FAM167A: variants seen among roughly 807,000 people sequenced by gnomAD.
FAM167A encodes family with sequence similarity 167 member A, also known as protein FAM167A.
In FAM167A, 23 loss-of-function variants were observed where a neutral mutation model predicts 14.9. That is an observed-to-expected ratio of 1.55 (90% CI 1.11 to 2.19). The LOEUF is 2.19. Ranked by LOEUF, FAM167A falls within the 30% of genes most tolerant of loss-of-function variation. The pLI is 0.00. For missense variants in FAM167A, 401 were observed against 281.5 expected, an observed-to-expected ratio of 1.42 and a Z score of -3.04; for synonymous variants, 174 against 117.7, an observed-to-expected ratio of 1.48 and a Z score of -3.10.
chr8:11,470,404 G>A (rs1166032954), upstream of FAM167A, among the ~76,000 whole-genome samples: 2 of 152,186 alleles, frequency 1.3e-5, no homozygotes, highest in East Asian at 3.9e-4. Flanking sequence ...GATGCCTCGA[G>A]GCCAGAATGC....
chr8:11,444,261 C>A lies in FAM167A; in HGVS notation c.151G>T (p.Ala51Ser). Residue 51 changes from alanine to serine, a missense_variant, in exon 2 of 3, where the codon GCC (alanine) becomes TCC (serine). Physicochemically the swap from Ala to Ser is moderately conservative, Grantham distance 99. Transcript: ENST00000284486. The part of the protein sequence containing the change: ...TRRPSYLEWQ[A>S]RLEEHTWPFP... ...GGCCAGGTATGCTCCTCCAGCCTGG[C>A]CTGCCATTCCAGGTAGGAGGGCCTG... The A allele has an allele frequency of 6.2e-7, 1 of 1,611,264 alleles. No individual in the cohort carries two copies. Among genetic ancestry groups the A allele is most frequent in the Non-Finnish European group, 8.5e-7 (1 of 1,179,460 alleles).
chr8:11,467,195 A>G (rs2618433), upstream of FAM167A, among the ~76,000 whole-genome samples: 125,814 of 152,198 alleles, frequency 0.83, 52,262 homozygotes, highest in Non-Finnish European at 0.87. Flanking sequence ...CACGCCCCCC[A>G]ACGACCCAGC....
At chr8:11,428,845 G>C (rs1193107128) in intron 2 of FAM167A, among the ~76,000 whole-genome samples, 2 of 152,110 alleles carry the variant, frequency 1.3e-5, no homozygotes. Flanking sequence ...CGATTAGGAG[G>C]TCACTCTGCT....
At chr8:11,474,779 A>T (rs913845799) in intron 1 of FAM167A, 1 of 150,834 alleles carries the variant, frequency 6.6e-6, no homozygotes, top group Non-Finnish European at 1.5e-5. Context: ...GCTTACGGGG[A>T]GGAGACAGGG....
At chr8:11,463,656 C>A (rs1029167931) in intron 1 of FAM167A, among the ~76,000 whole-genome samples, 1 of 152,162 alleles carries the variant, frequency 6.6e-6, no homozygotes, top group African/African-American at 2.4e-5. Context: ...ACAAGCCCTG[C>A]GAGGGAGCCC....
At chr8:11,457,031 T>C (rs546828863) in intron 1 of FAM167A, among the ~76,000 whole-genome samples, 1 of 89,114 alleles carries the variant, frequency 1.1e-5, no homozygotes, top group African/African-American at 4.6e-5. Flanking sequence ...GTTAGGGGTA[T>C]GGGCGGGGCT....
At chr8:11,432,509 C>G (rs1471314295) in intron 2 of FAM167A, among the ~76,000 whole-genome samples, 1 of 152,126 alleles carries the variant, frequency 6.6e-6, no homozygotes, top group African/African-American at 2.4e-5. Context: ...AAATCAAAAT[C>G]ACAAGGAGAT....
At chr8:11,451,220 C>A (rs956396298) in intron 1 of FAM167A, among the ~76,000 whole-genome samples, 12 of 152,234 alleles carry the variant, frequency 7.9e-5, no homozygotes, top group Non-Finnish European at 1.5e-4. Context: ...ATGCTCAGCA[C>A]ATGTGGGGAA....
intron 1 of FAM167A, among the ~76,000 whole-genome samples, chr8:11,465,879 G>C (rs1317293339): frequency 6.6e-6 from 1 of 152,198 alleles, no homozygotes; most frequent in African/African-American, 2.4e-5. Flanking sequence ...CCAACCTAGA[G>C]TCAACCCTCC....
At chr8:11,460,344 G>C (rs1807490941) in intron 1 of FAM167A, among the ~76,000 whole-genome samples, 1 of 152,232 alleles carries the variant, frequency 6.6e-6, no homozygotes, top group Admixed American at 6.5e-5. Flanking sequence ...TCAGCTACTG[G>C]GGTCCCATCC....
rs1400141161 is a variant in FAM167A at position 11,424,012 on chromosome 8, T to G, written c.*361A>C. 4.2e-6 allele frequency: 1 copy of G among 236,380 alleles called. No homozygotes were observed. Among genetic ancestry groups the G allele is most frequent in the African/African-American group, 2.2e-5 (1 of 45,138 alleles). The allele number at this position is 236,380 out of a possible 1,614,324, so 14.6% of individuals were successfully genotyped here. Reference sequence around the variant, plus strand: ...CCTTCTGCAAAAATGACAGCTTTGTTGGGGGGCCTCCCTTTGGGAATCCCA... The same window carrying G: ...CCTTCTGCAAAAATGACAGCTTTGTGGGGGGGCCTCCCTTTGGGAATCCCA... On this transcript the variant is annotated 3_prime_UTR_variant, in exon 3 of 3. Transcript: ENST00000284486.
intron 1 of FAM167A, among the ~76,000 whole-genome samples, chr8:11,458,536 C>T (rs556037297): frequency 5.9e-5 from 9 of 152,174 alleles, no homozygotes; most frequent in East Asian, 5.8e-4. Context: ...GGAACACTCA[C>T]GACACCTAGA....
At chr8:11,471,614 G>A (rs1425720571), upstream of FAM167A, among the ~76,000 whole-genome samples, 1 of 152,182 alleles carries the variant, frequency 6.6e-6, no homozygotes, top group Non-Finnish European at 1.5e-5. Context: ...TCATCAATAA[G>A]ATGGAAATGA....
chr8:11,467,847 C>T (rs1807833060), upstream of FAM167A, among the ~76,000 whole-genome samples: 2 of 152,252 alleles, frequency 1.3e-5, no homozygotes, highest in African/African-American at 4.8e-5. Flanking sequence ...CTCTGAGGGA[C>T]GTCGTCTAAG....
At chr8:11,424,823 C>T (rs576562407) in intron 2 of FAM167A, among the ~76,000 whole-genome samples, 187 bp from the exon 3 acceptor site, 43 of 152,312 alleles carry the variant, frequency 2.8e-4, no homozygotes, top group African/African-American at 9.9e-4. Flanking sequence ...AGGGTGCGGT[C>T]GCAAAACAAT....
chr8:11,455,763 AGTGT>A (rs1807234503), intron 1 of FAM167A, among the ~76,000 whole-genome samples: 2 of 96,204 alleles, frequency 2.1e-5, no homozygotes, highest in African/African-American at 4.2e-5. Flanking sequence ...CATGAGTGTG[AGTGT>A]ATTGGGGGTG....
chr8:11,421,598 C>G lies in FAM167A; in HGVS notation c.*2775G>C, dbSNP rs1804730751. 3 of 397,910 alleles carry G rather than the reference C, an allele frequency of 7.5e-6. No homozygotes were observed. In the South Asian group the frequency reaches 4.2e-4, roughly 56 times the overall value. 24.6% of individuals were successfully genotyped at this position (397,910 alleles called of 1,614,324 possible). A position where few individuals can be genotyped will look rare whatever the true frequency, so the allele number is the denominator to read the frequency against. ...ATCGTCCATTGATTATGTAATAGCA[C>G]TTGGTATTGCTACAGGGTGTGGGTC... On this transcript the variant is annotated 3_prime_UTR_variant, in exon 3 of 3. Transcript: ENST00000284486.
chr8:11,452,376 C>T (rs563566237), intron 1 of FAM167A, among the ~76,000 whole-genome samples: 4 of 152,232 alleles, frequency 2.6e-5, no homozygotes, highest in South Asian at 2.1e-4. Context: ...GGGCTACAGC[C>T]GGACATCAGG....
chr8:11,436,614 C>A (rs1032189398), intron 2 of FAM167A, among the ~76,000 whole-genome samples: 5 of 152,250 alleles, frequency 3.3e-5, no homozygotes, highest in African/African-American at 1.2e-4. Context: ...AGGCCTCCCC[C>A]ATCTGCAGGC....
Sources: allele counts gnomAD v4.1 joint callset (sites outside exome capture counted in the v4.1 genomes callset), GRCh38; gene constraint gnomAD v4.1.1; transcripts MANE v1.5; gene names NCBI Gene and HGNC (gene_info 2026-07-23, HGNC 2026-07-21).